Variants in FGF12 observed in about 807,000 individuals in gnomAD.
The protein encoded by FGF12 is fibroblast growth factor 12.
A neutral mutation model predicts 23.6 loss-of-function variants in FGF12; 14 were observed. The observed-to-expected ratio is 0.59, with a 90% confidence interval of 0.39 to 0.93. The LOEUF is 0.93. FGF12 is among the 40% of genes least tolerant of loss of function. The pLI is 0.00. For missense variants in FGF12, 175 were observed against 217.8 expected, an observed-to-expected ratio of 0.80 and a Z score of 1.24; for synonymous variants, 62 against 77.3, an observed-to-expected ratio of 0.80 and a Z score of 1.04.
intron 2 of FGF12, among the ~76,000 whole-genome samples, chr3:192,521,588 G>T (rs889176753): frequency 1.3e-5 from 2 of 152,082 alleles, no homozygotes; most frequent in African/African-American, 4.8e-5. Context: ...CAAAATGGGT[G>T]TTTCCACCCT....
chr3:192,256,695 T>A (rs1330163326), intron 4 of FGF12, among the ~76,000 whole-genome samples: 1 of 152,140 alleles, frequency 6.6e-6, no homozygotes, highest in Non-Finnish European at 1.5e-5. Context: ...GGCAACAGCA[T>A]AAAAATAGTA....
chr3:192,610,423 C>T (rs982163687), intron 2 of FGF12, among the ~76,000 whole-genome samples: 1 of 152,040 alleles, frequency 6.6e-6, no homozygotes, highest in African/African-American at 2.4e-5. Flanking sequence ...TCTCTCCAGT[C>T]TTGTTATATT....
At chr3:192,636,901 C>A (rs1715603801) in intron 2 of FGF12, among the ~76,000 whole-genome samples, 1 of 152,124 alleles carries the variant, frequency 6.6e-6, no homozygotes, top group South Asian at 2.1e-4. Context: ...AGGAGAAGGG[C>A]AATGGCAATG....
chr3:192,637,310 C>G (rs530422039), intron 2 of FGF12, among the ~76,000 whole-genome samples: 1 of 152,290 alleles, frequency 6.6e-6, no homozygotes, highest in South Asian at 2.1e-4. Flanking sequence ...AGTGCTTTCA[C>G]TCATATTTCC....
At chr3:192,513,986 A>G (rs1421229288) in intron 2 of FGF12, among the ~76,000 whole-genome samples, 1 of 152,190 alleles carries the variant, frequency 6.6e-6, no homozygotes, top group Non-Finnish European at 1.5e-5. Context: ...CACTTATTTG[A>G]TATTAGTTTG....
intron 2 of FGF12, 124 bp downstream of exon 2, chr3:192,727,057 G>A: frequency 8.3e-7 from 1 of 1,211,744 alleles, no homozygotes; most frequent in Non-Finnish European, 1.2e-6. Flanking sequence ...AATGGACATA[G>A]CATCTCCTCC....
chr3:192,301,439 C>T (rs1369826004), intron 4 of FGF12, among the ~76,000 whole-genome samples: 1 of 152,172 alleles, frequency 6.6e-6, no homozygotes, highest in Non-Finnish European at 1.5e-5. Flanking sequence ...GTGTCAGGTA[C>T]CACATGCTAG....
intron 4 of FGF12, among the ~76,000 whole-genome samples, chr3:192,208,310 A>G (rs781245148): frequency 1.3e-5 from 2 of 152,242 alleles, no homozygotes; most frequent in Non-Finnish European, 2.9e-5. Context: ...TTCAGCCACC[A>G]TAACTCAAAA....
chr3:192,197,138 T>C (rs1368788365), intron 4 of FGF12, among the ~76,000 whole-genome samples: 1 of 152,256 alleles, frequency 6.6e-6, no homozygotes, highest in Non-Finnish European at 1.5e-5. Context: ...CAATCTCTGA[T>C]TCGGCAGTAC....
At chr3:192,523,952 A>G (rs1724881847) in intron 2 of FGF12, among the ~76,000 whole-genome samples, 1 of 152,224 alleles carries the variant, frequency 6.6e-6, no homozygotes, top group Admixed American at 6.5e-5. Context: ...GCAGATAGAA[A>G]AAGGATATGT....
chr3:192,346,994 C>A (rs535537367), intron 3 of FGF12, among the ~76,000 whole-genome samples: 7 of 152,152 alleles, frequency 4.6e-5, no homozygotes, highest in South Asian at 2.1e-4. Flanking sequence ...AAGAAAAAAA[C>A]CAACTCTCCA....
At chr3:192,391,608 C>A (rs1248396817) in intron 2 of FGF12, among the ~76,000 whole-genome samples, 1 of 152,144 alleles carries the variant, frequency 6.6e-6, no homozygotes, top group African/African-American at 2.4e-5. Flanking sequence ...TGATTCCAAG[C>A]AACACCCTCT....
chr3:192,534,678 C>T (rs1014630277), intron 2 of FGF12, among the ~76,000 whole-genome samples: 3 of 152,184 alleles, frequency 2.0e-5, no homozygotes, highest in Admixed American at 6.5e-5. Flanking sequence ...AGGCATGAAC[C>T]ACCATGCTCT....
In FGF12 at chr3:192,409,899, G is replaced by T. The variant is rs1721135790; in HGVS notation, c.14-49361C>A. Among the ~76,000 whole-genome samples, 1 of 151,446 alleles carries T rather than the reference G, an allele frequency of 6.6e-6. No individual in the cohort carries two copies. The highest frequency in any genetic ancestry group is 6.6e-5 in the Admixed American group (1 of 15,234). ...GCTCAGAGCCGCGGGCTTGCGGGGC[G>T]CCCCCCGCCGCCGCGCCGCCGCCTC... On this transcript the variant is annotated intron_variant, in intron 2 of 5. Transcript: ENST00000445105. This position sits in a 1 kb window ranked among gnomAD's most constrained non-coding sequence, Gnocchi z 4.8.
chr3:192,472,838 T>C (rs549448387), intron 2 of FGF12, among the ~76,000 whole-genome samples: 8 of 152,316 alleles, frequency 5.3e-5, no homozygotes, highest in Non-Finnish European at 8.8e-5. Context: ...GTCTCCATGA[T>C]TTCGAGTTTG....
At chr3:192,181,348 T>C (rs551547382) in intron 4 of FGF12, among the ~76,000 whole-genome samples, 1 of 147,762 alleles carries the variant, frequency 6.8e-6, no homozygotes, top group African/African-American at 2.6e-5. Context: ...AGACAAGACC[T>C]ACACGCACAC....
chr3:192,521,258 G>C (rs756610612), intron 2 of FGF12: 4 of 152,040 alleles, frequency 2.6e-5, no homozygotes, highest in Non-Finnish European at 4.4e-5. Context: ...TTTGTCATTT[G>C]TTTGAGAACT....
intron 4 of FGF12, among the ~76,000 whole-genome samples, chr3:192,227,579 G>GT (rs999046633): frequency 8.9e-5 from 6 of 67,508 alleles, no homozygotes; most frequent in East Asian, 4.6e-4. Flanking sequence ...AGAACTTAAA[G>GT]TAAAAAAAAA....
At chr3:192,449,590 C>T (rs938769067) in intron 2 of FGF12, among the ~76,000 whole-genome samples, 17 of 152,258 alleles carry the variant, frequency 1.1e-4, no homozygotes, top group Middle Eastern at 3.4e-3. Context: ...TTCCTACAGA[C>T]GAAGGCTTCT....
Sources: allele counts gnomAD v4.1 joint callset (sites outside exome capture counted in the v4.1 genomes callset), GRCh38; gene constraint gnomAD v4.1.1; non-coding constraint Gnocchi (gnomAD v3.1); transcripts MANE v1.5; gene names NCBI Gene and HGNC (gene_info 2026-07-23, HGNC 2026-07-21).